GAS6: variants seen among roughly 807,000 people sequenced by gnomAD.
The protein encoded by GAS6 is growth arrest specific 6.
Under a neutral mutation model 75.8 loss-of-function variants are expected in GAS6, and 41 were observed. The ratio of observed to expected loss-of-function variants is 0.54; its 90% CI spans 0.42 to 0.70. GAS6 has a LOEUF of 0.70. GAS6 is among the 30% of genes least tolerant of loss of function. The pLI is 0.00. For synonymous variants in GAS6, 432 were observed against 412.6 expected (o/e 1.05, Z -0.57); for missense variants, 854 against 940.2 (o/e 0.91, Z 1.20).
At chr13:113,850,770 ATGAGTGGGTGGATGGATGGATGAG>A (rs1476085360) in intron 2 of GAS6, among the ~76,000 whole-genome samples, 2 of 152,214 alleles carry the variant, frequency 1.3e-5, no homozygotes, top group African/African-American at 4.8e-5. Context: ...GGATGCATGA[ATGAGTGGGTGGATGGATGGATGAG>A]TGAATGGATG....
intron 4 of GAS6, chr13:113,842,277 G>A (rs1377954545): frequency 4.1e-6 from 1 of 241,406 alleles, no homozygotes; most frequent in African/African-American, 2.8e-5. Flanking sequence ...ACTGACAACA[G>A]AACACTTGTG....
intron 10 of GAS6, among the ~76,000 whole-genome samples, chr13:113,830,708 C>G (rs76272088): frequency 1.6e-4 from 18 of 115,502 alleles, no homozygotes; most frequent in South Asian, 9.2e-4. Flanking sequence ...GGCCCCTCCT[C>G]CCCATGGCTC....
chr13:113,832,965 G>T, intron 8 of GAS6: 1 of 1,439,538 alleles, frequency 6.9e-7, no homozygotes, highest in African/African-American at 1.4e-5. Flanking sequence ...CTTCCCACAG[G>T]GCTTCTCGGG....
chr13:113,832,589 C>T (rs777555815), intron 9 of GAS6, 45 bp downstream of exon 9: 11 of 1,610,904 alleles, frequency 6.8e-6, no homozygotes, highest in South Asian at 1.1e-5. Flanking sequence ...AAGCCAGTGT[C>T]TTGGCCATTC....
intron 8 of GAS6, chr13:113,833,074 AG>A: frequency 8.1e-7 from 1 of 1,241,028 alleles, no homozygotes; most frequent in Non-Finnish European, 1.0e-6. Context: ...ATCATTAAAA[AG>A]TATACACTAT....
At position 113,832,349 on chromosome 13, in the gene GAS6, C is replaced by T. The variant is rs544430070; in HGVS notation, c.1093G>A (p.Gly365Ser). The change falls in exon 10 of 15, where the codon GGC becomes AGC. Residue 365 changes from glycine to serine, a missense_variant. Coordinates refer to ENST00000327773, the MANE Select transcript of GAS6 (RefSeq NM_000820.4). Reference sequence around the variant, plus strand: ...ACCGGGCCGCTGCTGGTGACACGGCCGACACCGTTGTAGCGCAGCTGCAGC... The same window carrying T: ...ACCGGGCCGCTGCTGGTGACACGGCTGACACCGTTGTAGCGCAGCTGCAGC... ...LELQLRYNGV[G>S]RVTSSGPVIN... 1.0e-5 allele frequency: 16 copies of T among 1,605,898 alleles called. No homozygotes were observed. The highest frequency in any genetic ancestry group is 4.0e-5 in the African/African-American group (3 of 75,046).
chr13:113,835,089 C>A (rs1594197640), intron 7 of GAS6, among the ~76,000 whole-genome samples: 1 of 152,366 alleles, frequency 6.6e-6, no homozygotes, highest in East Asian at 1.9e-4. Flanking sequence ...TCTCTGTCTG[C>A]CTACTCAGCC....
chr13:113,856,128 C>T (rs2051912209), intron 2 of GAS6, among the ~76,000 whole-genome samples: 1 of 152,212 alleles, frequency 6.6e-6, no homozygotes, highest in South Asian at 2.1e-4. Context: ...CCTGGCAGAC[C>T]ATGTTCACGA....
At position 113,861,908 on chromosome 13, in the gene GAS6, G is replaced by C. The variant is rs369637026; in HGVS notation, c.255+1667C>G. Among the ~76,000 whole-genome samples, 39 of 152,310 alleles carry C rather than the reference G, an allele frequency of 2.6e-4. No homozygotes were observed. In the East Asian group the frequency reaches 5.2e-3, roughly 20 times the overall value. On this transcript the variant is annotated intron_variant, in intron 2 of 14. Coordinates refer to ENST00000327773, the MANE Select transcript of GAS6 (RefSeq NM_000820.4). ...AAAAGAAGCCGACAGAGGCTGCTGGGGCCAGGCTGTGAGAGGATGGGAGGG... is the reference window on the plus strand; with the variant it reads ...AAAAGAAGCCGACAGAGGCTGCTGGCGCCAGGCTGTGAGAGGATGGGAGGG...
rs148773342 is a variant in GAS6 at position 113,822,039 on chromosome 13, C to A, written c.1801G>T (p.Ala601Ser). The change falls in exon 14 of 15, where the codon GCC becomes TCC. Residue 601 changes from alanine to serine, a missense_variant. Coordinates refer to ENST00000327773, the MANE Select transcript of GAS6 (RefSeq NM_000820.4). ...GCCAGCCTCTCCTGCAGCTGCGCGG[C>A]GCTCACCTCGCTCTGGCCCCTGGTG... ...DGTRGQSEVSAAQLQERLAVL... is the reference protein window; with the variant it reads ...DGTRGQSEVSSAQLQERLAVL... 1 of 1,576,076 alleles carries A rather than the reference C, an allele frequency of 6.3e-7. No individual in the cohort carries two copies.
chr13:113,859,069 T>C (rs2051945665), intron 2 of GAS6, among the ~76,000 whole-genome samples: 1 of 150,830 alleles, frequency 6.6e-6, no homozygotes, highest in Non-Finnish European at 1.5e-5. Flanking sequence ...TGTACGTATG[T>C]CTATGTGAAT....
At position 113,832,424 on chromosome 13, in the gene GAS6, G is replaced by A. The variant is rs1286564622; in HGVS notation, c.1018C>T (p.His340Tyr). The stretch of plus-strand genomic sequence containing the variant: ...AGCACGATCCAGGTGCTGTCCTGGT[G>A]GCCTCCGGCAAAGAGGAGGATGCCC... ...PEGILLFAGG[H>Y]QDSTWIVLAL... is the part of the protein sequence containing the mutation. The change falls in exon 10 of 15, where the codon CAC becomes TAC. Residue 340 changes from histidine to tyrosine, a missense_variant. Coordinates refer to ENST00000327773, the MANE Select transcript of GAS6 (RefSeq NM_000820.4). The A allele has an allele frequency of 6.2e-7, 1 of 1,610,344 alleles. No homozygotes were observed. The highest frequency in any genetic ancestry group is 1.7e-5 in the Admixed American group (1 of 59,936).
intron 2 of GAS6, among the ~76,000 whole-genome samples, chr13:113,858,082 T>G (rs536753112): frequency 6.6e-6 from 1 of 152,118 alleles, no homozygotes; most frequent in Non-Finnish European, 1.5e-5. Context: ...ACCCTGGGGG[T>G]CTGAGGAAGC....
At chr13:113,825,573 G>A (rs1340375891) in intron 12 of GAS6, among the ~76,000 whole-genome samples, 2 of 152,202 alleles carry the variant, frequency 1.3e-5, no homozygotes, top group South Asian at 2.1e-4. Context: ...GCGGCCGGCA[G>A]TCACTGGAAA....
At chr13:113,852,906 T>A (rs939128086) in intron 2 of GAS6, among the ~76,000 whole-genome samples, 1 of 152,126 alleles carries the variant, frequency 6.6e-6, no homozygotes, top group African/African-American at 2.4e-5. Flanking sequence ...GAGCTGTGGT[T>A]CAGAACAAGG....
At chr13:113,840,019 G>A (rs2051759613) in intron 4 of GAS6, 169 bp from the exon 5 acceptor site, 3 of 931,684 alleles carry the variant, frequency 3.2e-6, no homozygotes, top group Non-Finnish European at 3.2e-6. Flanking sequence ...CTGGCCTAGG[G>A]CTGACAGAAT....
At chr13:113,829,638 C>T (rs1374123861) in intron 10 of GAS6, among the ~76,000 whole-genome samples, 2 of 149,894 alleles carry the variant, frequency 1.3e-5, no homozygotes, top group Non-Finnish European at 3.0e-5. Context: ...CCATGAGGGA[C>T]CTGATCTCAA....
chr13:113,859,524 G>A (rs2051953389), intron 2 of GAS6, among the ~76,000 whole-genome samples: 2 of 152,170 alleles, frequency 1.3e-5, no homozygotes, highest in African/African-American at 4.8e-5. Context: ...GCCTGTTTAT[G>A]TGTGTGCATG....
intron 13 of GAS6, 23 bp downstream of exon 13, chr13:113,823,352 G>T: frequency 6.3e-7 from 1 of 1,595,830 alleles, no homozygotes; most frequent in Non-Finnish European, 8.6e-7. Context: ...CGGTCAGGAC[G>T]CCCTGGGTGG....
Sources: gnomAD v4.1 joint callset for allele counts (sites outside exome capture counted in the v4.1 genomes callset) on GRCh38, gnomAD v4.1.1 for gene constraint, MANE v1.5 for transcripts, NCBI Gene and HGNC (gene_info 2026-07-23, HGNC 2026-07-21) for gene names.